Variants in TENM2 observed in about 807,000 individuals in gnomAD.
The protein encoded by TENM2 is teneurin-2.
In TENM2, 52 loss-of-function variants were observed where a neutral mutation model predicts 245.2. The ratio of observed to expected loss-of-function variants is 0.21; its 90% CI spans 0.17 to 0.27. The LOEUF is 0.27. Ranked by LOEUF, TENM2 falls within the 10% of genes least tolerant of loss-of-function variation. The pLI is 1.00. For missense variants in TENM2, 3,046 were observed against 3,666.8 expected, an observed-to-expected ratio of 0.83 and a Z score of 4.37; for synonymous variants, 1,363 against 1,438.9, an observed-to-expected ratio of 0.95 and a Z score of 1.19.
At chr5:167,482,733 A>C (rs1310512928) in intron 2 of TENM2, among the ~76,000 whole-genome samples, 2 of 152,166 alleles carry the variant, frequency 1.3e-5, no homozygotes, top group Admixed American at 1.3e-4. Context: ...TGTGTGACTT[A>C]AGTCATTAAG....
intron 5 of TENM2, among the ~76,000 whole-genome samples, chr5:167,997,564 G>T (rs1186583465): frequency 6.6e-6 from 1 of 152,180 alleles, no homozygotes; most frequent in East Asian, 1.9e-4. Flanking sequence ...AGTGACAGCT[G>T]GTTAACTCTG....
At chr5:167,987,489 G>A (rs1783336019) in intron 4 of TENM2, among the ~76,000 whole-genome samples, 1 of 151,908 alleles carries the variant, frequency 6.6e-6, no homozygotes. Context: ...CACCACACCT[G>A]GCTACTTTTT....
chr5:167,782,254 G>A lies in TENM2; in HGVS notation c.503-93732G>A, dbSNP rs900622663. Among the ~76,000 whole-genome samples, 15 of 143,154 alleles carry A rather than the reference G, an allele frequency of 1.0e-4. No homozygotes were observed. The East Asian group carries it at 1.5e-3, about 14-fold the overall frequency. 93.9% of individuals were successfully genotyped at this position (143,154 alleles called of 152,430 possible). On this transcript the variant is annotated intron_variant, in intron 2 of 28. Transcript: ENST00000518659. Reference sequence around the variant, plus strand: ...CTTGAACCCAGGAGGTAGAGGTTGCGGTGAGCCAAGATCGTGCCACTGCAC... The same window carrying A: ...CTTGAACCCAGGAGGTAGAGGTTGCAGTGAGCCAAGATCGTGCCACTGCAC...
intron 5 of TENM2, among the ~76,000 whole-genome samples, chr5:167,995,913 C>T (rs115307904): frequency 1.8e-3 from 281 of 152,178 alleles, no homozygotes; most frequent in South Asian, 6.0e-3. Context: ...ACATGAAAAC[C>T]GAGGCCCTCC....
At chr5:167,580,050 A>G (rs1774981778) in intron 2 of TENM2, among the ~76,000 whole-genome samples, 1 of 152,174 alleles carries the variant, frequency 6.6e-6, no homozygotes. Context: ...TGGATTACAA[A>G]TTTCTCTTAA....
At chr5:167,263,205 C>T in the TENM2 span, among the ~76,000 whole-genome samples, 1 of 152,086 alleles carries the variant, frequency 6.6e-6, no homozygotes, top group Admixed American at 6.6e-5. Flanking sequence ...CGTGTATGAG[C>T]GCTTACTCTG....
chr5:167,698,935 G>A (rs1478782936), intron 2 of TENM2, among the ~76,000 whole-genome samples: 1 of 151,966 alleles, frequency 6.6e-6, no homozygotes, highest in Non-Finnish European at 1.5e-5. Context: ...GCCTGCCTCG[G>A]CCTCCCTGAT....
intron 2 of TENM2, among the ~76,000 whole-genome samples, chr5:167,797,635 A>C (rs1233252829): frequency 6.6e-6 from 1 of 152,154 alleles, no homozygotes; most frequent in African/African-American, 2.4e-5. Context: ...TTCTGAGGAC[A>C]AAAAAATATG....
intron 2 of TENM2, among the ~76,000 whole-genome samples, chr5:167,827,980 A>T (rs1026713012): frequency 1.3e-5 from 2 of 152,150 alleles, no homozygotes; most frequent in African/African-American, 4.8e-5. Flanking sequence ...CCCACCTTGC[A>T]GTTGCTCAAA....
chr5:168,174,448 C>T (rs146920465), intron 13 of TENM2, among the ~76,000 whole-genome samples: 29 of 152,286 alleles, frequency 1.9e-4, no homozygotes, highest in African/African-American at 7.0e-4. Flanking sequence ...ACAGTCAGCA[C>T]AACGGTTCGT....
the TENM2 span, among the ~76,000 whole-genome samples, chr5:167,107,349 T>C: frequency 6.6e-5 from 10 of 152,134 alleles, no homozygotes; most frequent in Admixed American, 6.5e-4. Flanking sequence ...AGAAAACAAG[T>C]TGTACGTGGT....
At chr5:167,958,135 T>C (rs1333437637) in intron 4 of TENM2, among the ~76,000 whole-genome samples, 1 of 152,066 alleles carries the variant, frequency 6.6e-6, no homozygotes, top group Admixed American at 6.5e-5. Context: ...TCTAAGAACT[T>C]GCTTTATGAA....
chr5:167,823,008 A>C (rs1767659456), intron 2 of TENM2, among the ~76,000 whole-genome samples: 1 of 152,198 alleles, frequency 6.6e-6, no homozygotes, highest in African/African-American at 2.4e-5. Context: ...TCTTTGGAAA[A>C]AAATAGGTAA....
Position 168,251,226 on chromosome 5 carries a change from C to T in TENM2, c.7432+2855C>T, listed in dbSNP as rs151189511. Among the ~76,000 whole-genome samples the T allele has an allele frequency of 3.7e-3, 561 of 152,304 alleles. 7 individuals carry two copies. The highest frequency in any genetic ancestry group is 0.013 in the African/African-American group (532 of 41,562). On this transcript the variant is annotated intron_variant, in intron 27 of 28. Coordinates refer to ENST00000518659, the Ensembl canonical transcript of TENM2. ...GAACAGACATGTCCCGCTGCCAAGACGCAAACAAAATCATTTCACAGGGCA... is the reference window on the plus strand; with the variant it reads ...GAACAGACATGTCCCGCTGCCAAGATGCAAACAAAATCATTTCACAGGGCA...
intron 4 of TENM2, among the ~76,000 whole-genome samples, chr5:167,959,229 C>G (rs1780808466): frequency 6.9e-6 from 1 of 145,932 alleles, no homozygotes; most frequent in African/African-American, 2.5e-5. Flanking sequence ...GAGTCTCGCT[C>G]TGTCGCCCAG....
chr5:167,681,632 T>TAC (rs1258367738), intron 2 of TENM2, among the ~76,000 whole-genome samples: 3 of 151,900 alleles, frequency 2.0e-5, no homozygotes, highest in African/African-American at 7.3e-5. Flanking sequence ...TGTTTATATA[T>TAC]ATATGCCCAT....
At chr5:167,729,003 A>C (rs2150549215) in intron 2 of TENM2, 1 of 152,380 alleles carries the variant, frequency 6.6e-6, no homozygotes, top group African/African-American at 2.4e-5. Context: ...GCATGTTTCC[A>C]GTGATAACCC....
rs1487422935 is a variant in TENM2, at chr5:167,974,033, AAGGAGAAGGAAGGAAGGG to A, written c.948-18906_948-18889del. On this transcript the variant is annotated intron_variant, in intron 4 of 28. Transcript: ENST00000518659. ...GGAGGGAGGGAGGGAGGAAGGAAGG[AAGGAGAAGGAAGGAAGGG>A]AGGAAAGGAGGGAGGGAGGGAGGAA... 3.7e-4 allele frequency among the ~76,000 whole-genome samples: 13 copies of A among 35,260 alleles called. 1 individual carries two copies. The highest frequency in any genetic ancestry group is 2.2e-3 in the African/African-American group (12 of 5,478). The allele number at this position is 35,260 out of a possible 152,430, so 23.1% of individuals were successfully genotyped here. A position where few individuals can be genotyped will look rare whatever the true frequency, so the allele number is the denominator to read the frequency against.
chr5:167,122,396 A>G, the TENM2 span, among the ~76,000 whole-genome samples: 5 of 152,172 alleles, frequency 3.3e-5, no homozygotes, highest in Admixed American at 1.3e-4. Flanking sequence ...ATATTTGCAT[A>G]TATTCCATTA....
Sources: allele counts gnomAD v4.1 joint callset (sites outside exome capture counted in the v4.1 genomes callset), GRCh38; gene constraint gnomAD v4.1.1; transcripts MANE v1.5; gene names NCBI Gene and HGNC (gene_info 2026-07-23, HGNC 2026-07-21).